The following AK7 variants were observed in gnomAD, a reference collection of about 807,000 sequenced individuals.
AK7 encodes the protein ATP-AMP transphosphorylase 7.
Under a neutral mutation model 96.6 loss-of-function variants are expected in AK7, and 78 were observed. That is an observed-to-expected ratio of 0.81 (90% CI 0.67 to 0.97). The LOEUF is 0.97. Ranked by LOEUF, AK7 falls within the 50% of genes least tolerant of loss-of-function variation. The pLI is 0.00. For missense variants in AK7, 855 were observed against 887.9 expected, an observed-to-expected ratio of 0.96 and a Z score of 0.47; for synonymous variants, 302 against 317.2, an observed-to-expected ratio of 0.95 and a Z score of 0.51.
intron 17 of AK7, 24 bp downstream of exon 17, chr14:96,487,080 A>G: frequency 6.2e-7 from 1 of 1,613,216 alleles, no homozygotes; most frequent in Non-Finnish European, 8.5e-7. Flanking sequence ...TTTTTAAAAA[A>G]AGATCAATTT....
In AK7 at chr14:96,438,065, C is replaced by T. The variant is rs563808145; in HGVS notation, c.690+150C>T. On this transcript the variant is annotated intron_variant, in intron 6 of 17. Transcript: ENST00000267584. ...GTATGGATGTCACCACAAAGACCTA[C>T]GTTTCTTTCCCATTATTAACTTGTA... The T allele has an allele frequency of 4.6e-4, 259 of 562,072 alleles. 1 individual carries two copies. In the Middle Eastern group the frequency reaches 9.8e-3, roughly 21 times the overall value. 34.8% of individuals were successfully genotyped at this position (562,072 alleles called of 1,614,324 possible). A position where few individuals can be genotyped will look rare whatever the true frequency, so the allele number is the denominator to read the frequency against.
intron 7 of AK7, among the ~76,000 whole-genome samples, chr14:96,444,257 C>T (rs2140097022): frequency 6.6e-6 from 1 of 152,222 alleles, no homozygotes; most frequent in East Asian, 1.9e-4. Context: ...GAAACATACC[C>T]ATTTTTTTCT....
chr14:96,460,048 C>G (rs1247847824), intron 12 of AK7, among the ~76,000 whole-genome samples: 1 of 152,190 alleles, frequency 6.6e-6, no homozygotes, highest in Non-Finnish European at 1.5e-5. Flanking sequence ...TGGATTCATT[C>G]TTTCCCTTGG....
chr14:96,478,190 GGGAA>G (rs1895289983), intron 14 of AK7, among the ~76,000 whole-genome samples: 1 of 150,742 alleles, frequency 6.6e-6, no homozygotes, highest in Non-Finnish European at 1.5e-5. Flanking sequence ...GGGAGGGCGG[GGGAA>G]GGGAGGGAGG....
chr14:96,456,916 G>T, intron 11 of AK7: 2 of 198,544 alleles, frequency 1.0e-5, no homozygotes, highest in South Asian at 1.0e-4. Flanking sequence ...ACCAGAAGGT[G>T]GATGACGTGT....
intron 2 of AK7, among the ~76,000 whole-genome samples, chr14:96,400,072 T>A (rs28422866): frequency 0.13 from 17,324 of 130,676 alleles, 1,171 homozygotes; most frequent in South Asian, 0.27. Flanking sequence ...GGAGTCTCAC[T>A]CTGTTGCCCA....
At chr14:96,402,199 A>G (rs1409859521) in intron 2 of AK7, among the ~76,000 whole-genome samples, 1 of 151,884 alleles carries the variant, frequency 6.6e-6, no homozygotes, top group Admixed American at 6.6e-5. Context: ...ACACACACAC[A>G]CACACACACA....
rs1197230164 is a variant in AK7 at position 96,449,832 on chromosome 14, A to G, written c.901A>G (p.Ile301Val). 1 of 1,611,364 alleles carries G rather than the reference A, an allele frequency of 6.2e-7. No homozygotes were observed. Among genetic ancestry groups the G allele is most frequent in the East Asian group, 2.2e-5 (1 of 44,870 alleles). The change falls in exon 9 of 18, where the codon ATC (isoleucine) becomes GTC (valine). Residue 301 changes from isoleucine to valine, a missense_variant. Transcript: ENST00000267584. ...CISKNTGPGKIQKIPRENAYL... is the reference protein window; with the variant it reads ...CISKNTGPGKVQKIPRENAYL... ...CAGTAAAAATACTGGCCCTGGGAAA[A>G]TCCAGAAAATACCCAGAGAAAATGC...
Position 96,472,857 on chromosome 14 carries a change from G to C in AK7, c.1555+102G>C. Reference sequence around the variant, plus strand: ...AGAACTTTGGGAGGCCAAGGCGGGTGGATCACCTGAGGTCAGGAGTTCAAG... The same window carrying C: ...AGAACTTTGGGAGGCCAAGGCGGGTCGATCACCTGAGGTCAGGAGTTCAAG... On this transcript the variant is annotated intron_variant, in intron 14 of 17. Coordinates refer to ENST00000267584, the MANE Select transcript of AK7 (RefSeq NM_152327.5). 3.4e-6 allele frequency: 3 copies of C among 882,546 alleles called. No homozygotes were observed. In the Admixed American group the frequency reaches 6.5e-5, roughly 19 times the overall value. The allele number at this position is 882,546 out of a possible 1,614,324, so 54.7% of individuals were successfully genotyped here.
intron 16 of AK7, among the ~76,000 whole-genome samples, chr14:96,485,008 A>G (rs1489961601): frequency 6.6e-6 from 1 of 152,174 alleles, no homozygotes; most frequent in Non-Finnish European, 1.5e-5. Flanking sequence ...CTTAACATAA[A>G]TTCCTAAAGT....
At chr14:96,458,254 A>C (rs1480861336) in intron 12 of AK7, 42 bp downstream of exon 12, 1 of 1,583,230 alleles carries the variant, frequency 6.3e-7, no homozygotes. Context: ...TCTTGTGAAC[A>C]GTGGCTATTT....
chr14:96,438,046 A>T (rs1763306473), intron 6 of AK7, 131 bp downstream of exon 6: 2 of 631,846 alleles, frequency 3.2e-6, no homozygotes, highest in Non-Finnish European at 5.3e-6. Context: ...GCAAGTATGG[A>T]TGTCACCACA....
At chr14:96,419,769 C>G (rs1595390244) in intron 4 of AK7, among the ~76,000 whole-genome samples, 1 of 139,500 alleles carries the variant, frequency 7.2e-6, no homozygotes, top group Non-Finnish European at 1.5e-5. Context: ...TCTCCTAAAG[C>G]ATTTTTTTTT....
At chr14:96,480,784 G>A (rs1326405446) in intron 15 of AK7, among the ~76,000 whole-genome samples, 2 of 152,160 alleles carry the variant, frequency 1.3e-5, no homozygotes, top group African/African-American at 2.4e-5. Flanking sequence ...ATCTCATCCT[G>A]TGCCCATCTC....
chr14:96,473,728 C>T (rs549893340), intron 14 of AK7, among the ~76,000 whole-genome samples: 2 of 152,258 alleles, frequency 1.3e-5, no homozygotes, highest in African/African-American at 2.4e-5. Context: ...ACTGCTCTCT[C>T]CTGTAACAAA....
intron 5 of AK7, among the ~76,000 whole-genome samples, chr14:96,429,031 C>A (rs538272049): frequency 1.3e-5 from 2 of 152,280 alleles, no homozygotes; most frequent in Admixed American, 6.5e-5. Context: ...ATCAGGAAGT[C>A]CTTGCCCATG....
At chr14:96,440,520 G>C (rs1414235280) in intron 6 of AK7, among the ~76,000 whole-genome samples, 1 of 152,106 alleles carries the variant, frequency 6.6e-6, no homozygotes, top group Non-Finnish European at 1.5e-5. Context: ...CTAAGTTCTA[G>C]CTCTGTAGGT....
chr14:96,471,770 T>C (rs1208822331), intron 13 of AK7, among the ~76,000 whole-genome samples, 164 bp downstream of exon 13: 1 of 152,126 alleles, frequency 6.6e-6, no homozygotes, highest in Non-Finnish European at 1.5e-5. Context: ...TTCTTTTTTT[T>C]TCCCCCTGGA....
Position 96,486,997 on chromosome 14 carries a change from C to T in AK7, c.2074C>T (p.Leu692Phe). Residue 692 changes from leucine (L) to phenylalanine (F), a missense_variant, in exon 17 of 18, where the codon CTT becomes TTT. By Grantham distance (22) the Leu-to-Phe change is conservative (BLOSUM62 0). Coordinates refer to ENST00000267584, the MANE Select transcript of AK7 (RefSeq NM_152327.5). ...TTTAATGACCTATGTGATGCCAACTCTTATTCAGGGCCTGAATGAATGTTG... is the reference window on the plus strand; with the variant it reads ...TTTAATGACCTATGTGATGCCAACTTTTATTCAGGGCCTGAATGAATGTTG... The part of the protein sequence containing the change: ...NYLMTYVMPT[L>F]IQGLNECCNV... 6.2e-7 allele frequency: 1 copy of T among 1,614,146 alleles called. No homozygotes were observed. The highest frequency in any genetic ancestry group is 8.5e-7 in the Non-Finnish European group (1 of 1,180,000).
Sources: allele counts gnomAD v4.1 joint callset (sites outside exome capture counted in the v4.1 genomes callset), GRCh38; gene constraint gnomAD v4.1.1; transcripts MANE v1.5; gene names NCBI Gene and HGNC (gene_info 2026-07-23, HGNC 2026-07-21).